The following ESRRG variants were observed in gnomAD, a reference collection of about 807,000 sequenced individuals.
ESRRG encodes estrogen-related receptor gamma.
ESRRG carries 13 observed loss-of-function variants against 44.0 expected under a neutral mutation model. The ratio of observed to expected loss-of-function variants is 0.30; its 90% CI spans 0.19 to 0.47. The LOEUF is 0.47. Among genes scored for constraint, ESRRG ranks in the 20% least tolerant of loss-of-function variants. The probability of loss-of-function intolerance (pLI) is 1.00; values close to 1 mark genes in which losing one functional copy is unlikely to be tolerated. For synonymous variants in ESRRG, 215 were observed against 214.6 expected, an observed-to-expected ratio of 1.00 and a Z score of -0.02; for missense variants, 395 against 580.6, an observed-to-expected ratio of 0.68 and a Z score of 3.29.
intron 2 of ESRRG, among the ~76,000 whole-genome samples, chr1:216,873,408 C>T (rs557701088): frequency 1.6e-4 from 24 of 151,902 alleles, no homozygotes; most frequent in African/African-American, 4.3e-4. Flanking sequence ...GATGGGGTTT[C>T]GCCACATTGG....
chr1:216,659,803 C>T (rs1466982659), intron 2 of ESRRG, among the ~76,000 whole-genome samples: 1 of 152,142 alleles, frequency 6.6e-6, no homozygotes, highest in Non-Finnish European at 1.5e-5. Context: ...ACTTAACACA[C>T]TTTATTATAT....
At chr1:216,979,448 T>C (rs1295442208) in intron 1 of ESRRG, among the ~76,000 whole-genome samples, 3 of 152,120 alleles carry the variant, frequency 2.0e-5, no homozygotes, top group Non-Finnish European at 4.4e-5. Context: ...AAATATCCCT[T>C]GGGGATTCCA....
At chr1:216,665,537 G>C (rs886190945) in intron 2 of ESRRG, among the ~76,000 whole-genome samples, 1 of 152,106 alleles carries the variant, frequency 6.6e-6, no homozygotes. Context: ...GCAGGGACTG[G>C]GGGTAGGGAG....
chr1:216,771,815 T>TG lies in ESRRG; in HGVS notation c.-13-94325dup, dbSNP rs1215019784. ...AGTATTTTTATTTTTAAGTTTGTGG[T>TG]GTTTTTTTTTTTTTTTTTTGAAAGA... On this transcript the variant is annotated intron_variant, in intron 2 of 7. Transcript: ENST00000359162. 3.2e-3 allele frequency among the ~76,000 whole-genome samples: 332 copies of TG among 102,698 alleles called. 2 individuals are homozygous for TG. Among genetic ancestry groups the TG allele is most frequent in the African/African-American group, 0.012 (301 of 25,786 alleles). 67.4% of individuals were successfully genotyped at this position (102,698 alleles called of 152,430 possible). A position where few individuals can be genotyped will look rare whatever the true frequency, so the allele number is the denominator to read the frequency against.
At chr1:216,861,754 G>C (rs74141688) in intron 2 of ESRRG, among the ~76,000 whole-genome samples, 3,185 of 152,036 alleles carry the variant, frequency 0.021, 101 homozygotes, top group African/African-American at 0.064. Flanking sequence ...AGAAGGAAAA[G>C]ACAAGCCAAC....
chr1:217,005,475 ATAAGCCCTC>A (rs1428431694), intron 1 of ESRRG, among the ~76,000 whole-genome samples: 1 of 152,190 alleles, frequency 6.6e-6, no homozygotes, highest in Middle Eastern at 3.2e-3. Flanking sequence ...GCATACACAG[ATAAGCCCTC>A]TAAAAGAACA....
chr1:217,031,095 T>C (rs2081998139), intron 1 of ESRRG, among the ~76,000 whole-genome samples: 1 of 152,230 alleles, frequency 6.6e-6, no homozygotes, highest in Admixed American at 6.5e-5. Context: ...ATGGTCTGTT[T>C]TGATATATCC....
Position 216,569,111 on chromosome 1 carries a change from A to AGTAAGGAAGGAAGAAG in ESRRG, c.590-1014_590-1013insCTTCTTCCTTCCTTAC, listed in dbSNP as rs1553355981. On this transcript the variant is annotated intron_variant, in intron 3 of 6. Coordinates refer to ENST00000408911, the MANE Select transcript of ESRRG (RefSeq NM_001438.4). Reference sequence around the variant, plus strand: ...AAGGAAGGAAGGAAGGAAGGAAGGAAGAAGGAAGGAAGGAAGGAAGGAAAG... The same window carrying AGTAAGGAAGGAAGAAG: ...AAGGAAGGAAGGAAGGAAGGAAGGAAGTAAGGAAGGAAGAAGGAAGGAAGGAAGGAAGGAAGGAAAG... Among the ~76,000 whole-genome samples, 2 of 104,360 alleles carry AGTAAGGAAGGAAGAAG rather than the reference A, an allele frequency of 1.9e-5. 1 individual carries two copies. Among genetic ancestry groups the AGTAAGGAAGGAAGAAG allele is most frequent in the Non-Finnish European group, 4.1e-5 (2 of 49,284 alleles). The allele number at this position is 104,360 out of a possible 152,430, so 68.5% of individuals were successfully genotyped here. A position where few individuals can be genotyped will look rare whatever the true frequency, so the allele number is the denominator to read the frequency against.
chr1:217,127,225 G>T (rs1426285601), intron 1 of ESRRG, among the ~76,000 whole-genome samples: 1 of 152,146 alleles, frequency 6.6e-6, no homozygotes, highest in Non-Finnish European at 1.5e-5. Flanking sequence ...AGCTAAACTT[G>T]TGCCACAATG....
At chr1:216,958,032 G>C (rs1330251301) in intron 1 of ESRRG, among the ~76,000 whole-genome samples, 4 of 73,090 alleles carry the variant, frequency 5.5e-5, no homozygotes, top group Non-Finnish European at 1.8e-4. Flanking sequence ...GAAACGTATA[G>C]TACGCACCAC....
intron 2 of ESRRG, among the ~76,000 whole-genome samples, chr1:216,758,122 C>T (rs1255051013): frequency 6.6e-6 from 1 of 152,066 alleles, no homozygotes; most frequent in African/African-American, 2.4e-5. Context: ...ACCTCCTCCT[C>T]CCGTGATCTA....
intron 1 of ESRRG, among the ~76,000 whole-genome samples, chr1:216,942,012 C>G (rs1274384371): frequency 6.6e-6 from 1 of 152,130 alleles, no homozygotes; most frequent in East Asian, 1.9e-4. Context: ...GATCCTGTCA[C>G]CCAAACAGTG....
chr1:217,050,857 A>C (rs2085828893), intron 1 of ESRRG, among the ~76,000 whole-genome samples: 1 of 152,096 alleles, frequency 6.6e-6, no homozygotes, highest in African/African-American at 2.4e-5. Flanking sequence ...AGTACGGGCT[A>C]TTAGAAGACC....
At chr1:216,621,092 A>G (rs2062159728) in intron 3 of ESRRG, among the ~76,000 whole-genome samples, 1 of 152,210 alleles carries the variant, frequency 6.6e-6, no homozygotes, top group African/African-American at 2.4e-5. Context: ...CCAGATATGT[A>G]TCCACAGTAG....
At chr1:216,573,488 A>T (rs968508235) in intron 3 of ESRRG, among the ~76,000 whole-genome samples, 36 of 151,976 alleles carry the variant, frequency 2.4e-4, no homozygotes, top group African/African-American at 8.7e-4. Context: ...ATATTTTATA[A>T]ATCTTAAAAT....
At chr1:216,535,113 T>C (rs1246842748) in intron 5 of ESRRG, among the ~76,000 whole-genome samples, 1 of 152,060 alleles carries the variant, frequency 6.6e-6, no homozygotes, top group Non-Finnish European at 1.5e-5. Context: ...GTAATATTGG[T>C]TGAAGTGACA....
At chr1:216,585,790 C>T (rs1055031576) in intron 3 of ESRRG, among the ~76,000 whole-genome samples, 3 of 152,066 alleles carry the variant, frequency 2.0e-5, no homozygotes, top group African/African-American at 2.4e-5. Context: ...TTACTTTTCC[C>T]AGCATTTTGG....
intron 3 of ESRRG, among the ~76,000 whole-genome samples, chr1:216,628,709 G>A (rs1270436147): frequency 6.6e-6 from 1 of 152,114 alleles, no homozygotes; most frequent in African/African-American, 2.4e-5. Flanking sequence ...TAGCCATAGT[G>A]TTCCTACTAA....
chr1:216,613,286 ATCT>A (rs1411475146), intron 3 of ESRRG, among the ~76,000 whole-genome samples: 1 of 152,216 alleles, frequency 6.6e-6, no homozygotes, highest in African/African-American at 2.4e-5. Context: ...TAATGGTAAC[ATCT>A]TGTAATGGTG....
Sources: allele counts gnomAD v4.1 joint callset (sites outside exome capture counted in the v4.1 genomes callset), GRCh38; gene constraint gnomAD v4.1.1; transcripts MANE v1.5; gene names NCBI Gene and HGNC (gene_info 2026-07-23, HGNC 2026-07-21).